Variants in RASEF observed in about 807,000 individuals in gnomAD.
RASEF encodes the protein ras and EF-hand domain-containing protein.
RASEF carries 68 observed loss-of-function variants against 90.1 expected under a neutral mutation model. That is an observed-to-expected ratio of 0.75 (90% CI 0.62 to 0.92). The LOEUF (loss-of-function observed/expected upper bound fraction) is 0.92. RASEF is among the 40% of genes least tolerant of loss of function. RASEF has a pLI of 0.00. For missense variants in RASEF, 949 were observed against 937.2 expected (o/e 1.01, Z -0.16); for synonymous variants, 331 against 345.2 (o/e 0.96, Z 0.46).
In RASEF at chr9:83,000,199, C is replaced by A; in HGVS notation, c.1693G>T (p.Glu565Ter). 2 of 1,613,942 alleles carry A rather than the reference C, an allele frequency of 1.2e-6. No individual in the cohort carries two copies. Among genetic ancestry groups the A allele is most frequent in the East Asian group, 2.2e-5 (1 of 44,866 alleles). The change falls in exon 12 of 17, where the codon GAA becomes TAA. Residue 565 changes from glutamate (E) to a stop codon, truncating the protein, a stop_gained. Transcript: ENST00000376447. LOFTEE classifies it high-confidence loss of function. ...GTGGCGCTTATATTTTCTCGAAATT[C>A]ATTCTTGCAAAGTCTCATGAGGAAA... ...SSFLMRLCKNEFRENISATLG... is the reference protein window; with the variant it reads ...SSFLMRLCKN
At chr9:83,069,300 A>G in the RASEF span, among the ~76,000 whole-genome samples, 1 of 152,182 alleles carries the variant, frequency 6.6e-6, no homozygotes, top group Non-Finnish European at 1.5e-5. Flanking sequence ...CACAATGCCA[A>G]AATTGCCATT....
At chr9:83,125,144 T>C in the RASEF span, among the ~76,000 whole-genome samples, 3 of 152,216 alleles carry the variant, frequency 2.0e-5, no homozygotes, top group African/African-American at 7.2e-5. Context: ...GGCAGGGCAG[T>C]GGTGGAGAGA....
the RASEF span, among the ~76,000 whole-genome samples, chr9:83,105,956 A>G: frequency 1.4e-4 from 21 of 152,294 alleles, no homozygotes; most frequent in Middle Eastern, 0.01. Flanking sequence ...GCCCAAAGTC[A>G]TCTAAACATG....
At chr9:83,216,918 C>T in the RASEF span, among the ~76,000 whole-genome samples, 1 of 152,162 alleles carries the variant, frequency 6.6e-6, no homozygotes, top group African/African-American at 2.4e-5. Context: ...TTACACCATG[C>T]ACCTGGAAAT....
At chr9:83,111,208 G>A in the RASEF span, among the ~76,000 whole-genome samples, 16 of 152,178 alleles carry the variant, frequency 1.1e-4, no homozygotes, top group African/African-American at 3.4e-4. Context: ...TAGATTAAAC[G>A]GCAAATTGCA....
At chr9:83,209,835 TG>T in the RASEF span, among the ~76,000 whole-genome samples, 1 of 152,212 alleles carries the variant, frequency 6.6e-6, no homozygotes, top group African/African-American at 2.4e-5. Flanking sequence ...AGACTTAGCC[TG>T]TGCCCTCCCG....
the RASEF span, among the ~76,000 whole-genome samples, chr9:83,217,459 T>A: frequency 6.6e-6 from 1 of 152,132 alleles, no homozygotes; most frequent in Non-Finnish European, 1.5e-5. Flanking sequence ...ATAGCTCCCA[T>A]AATCCCCACG....
the RASEF span, among the ~76,000 whole-genome samples, chr9:83,157,231 A>G: frequency 0.17 from 26,188 of 152,240 alleles, 2,426 homozygotes; most frequent in Non-Finnish European, 0.21. Flanking sequence ...TGCATAAAAT[A>G]GGGACTTAGC....
At chr9:83,129,806 G>C in the RASEF span, among the ~76,000 whole-genome samples, 1 of 152,126 alleles carries the variant, frequency 6.6e-6, no homozygotes, top group Non-Finnish European at 1.5e-5. Flanking sequence ...AGAGCCAAAG[G>C]CTACAGCACT....
intron 15 of RASEF, among the ~76,000 whole-genome samples, chr9:82,992,177 C>T (rs188248964): frequency 2.1e-4 from 30 of 140,128 alleles, no homozygotes; most frequent in African/African-American, 2.8e-4. Flanking sequence ...CTGGTGCTGA[C>T]GACAGACAAC....
Position 83,009,661 on chromosome 9 carries a change from A to T in RASEF, c.939T>A (p.Asp313Glu), listed in dbSNP as rs775015476. 6.2e-7 allele frequency: 1 copy of T among 1,606,770 alleles called. No individual in the cohort carries two copies. The highest frequency in any genetic ancestry group is 8.5e-7 in the Non-Finnish European group (1 of 1,173,674). The change falls in exon 6 of 17, where the codon GAT becomes GAA. Residue 313 changes from aspartate to glutamate, a missense_variant. By Grantham distance (45) the Asp-to-Glu change is conservative. Transcript: ENST00000376447. ...CATACCTTTCAGTATTCAGACTCTG[A>T]TCAGCATAATCACTTTTCAAAGCAT... ...ELDALKSDYADQSLNTERDLE... is the reference protein window; with the variant it reads ...ELDALKSDYAEQSLNTERDLE...
chr9:83,062,790 C>A lies in RASEF; in HGVS notation c.78G>T (p.Gly26=). The A allele has an allele frequency of 1.9e-6, 3 of 1,556,186 alleles. No individual in the cohort carries two copies. The highest frequency in any genetic ancestry group is 1.2e-5 in the South Asian group (1 of 85,142). The part of the protein sequence containing the change: ...VFAACDANRS[G]RLEREEFRAL... ...CCCGGAACTCCTCGCGCTCCAGGCG[C>A]CCCGAGCGGTTCGCGTCGCAGGCGG... The change falls in exon 1 of 17, where the codon GGG becomes GGT. Residue 26 remains glycine (G), a synonymous_variant. Coordinates refer to ENST00000376447, the MANE Select transcript of RASEF (RefSeq NM_152573.4).
At chr9:83,186,853 T>TA in the RASEF span, among the ~76,000 whole-genome samples, 17 of 151,712 alleles carry the variant, frequency 1.1e-4, no homozygotes, top group South Asian at 2.1e-3. Flanking sequence ...TTTGACATCT[T>TA]AAAAAAAAAT....
the RASEF span, among the ~76,000 whole-genome samples, chr9:83,164,037 C>T: frequency 6.8e-6 from 1 of 146,808 alleles, no homozygotes; most frequent in Non-Finnish European, 1.5e-5. Flanking sequence ...CTGTAACCTA[C>T]AAAACTATCC....
chr9:83,005,408 T>C lies in RASEF; in HGVS notation c.1113+8A>G, dbSNP rs763935447. The stretch of plus-strand genomic sequence containing the variant: ...GAATGAAATACATGGTAAAACTATG[T>C]GGCATACCAAAGATCTGTTGAACTT... On this transcript the variant is annotated splice_region_variant and intron_variant, in intron 8 of 16. Coordinates refer to ENST00000376447, the MANE Select transcript of RASEF (RefSeq NM_152573.4). The C allele has an allele frequency of 6.9e-6, 11 of 1,589,804 alleles. No homozygotes were observed. The highest frequency in any genetic ancestry group is 9.5e-6 in the Non-Finnish European group (11 of 1,157,932).
intron 1 of RASEF, among the ~76,000 whole-genome samples, chr9:83,043,879 C>T (rs1829883454): frequency 6.6e-6 from 1 of 152,138 alleles, no homozygotes; most frequent in Admixed American, 6.5e-5. Flanking sequence ...GCGGTGGGAC[C>T]TAAGAGTTTG....
Position 83,062,497 on chromosome 9 carries a change from G to A in RASEF, c.371C>T (p.Pro124Leu). The A allele has an allele frequency of 1.2e-6, 2 of 1,611,628 alleles. No individual in the cohort carries two copies. The highest frequency in any genetic ancestry group is 2.2e-5 in the East Asian group (1 of 44,784). Reference protein sequence around the residue: ...ALATSCGPASPGRAWQDFQAR... With the variant: ...ALATSCGPASLGRAWQDFQAR... ...CTGGAAATCCTGCCAAGCCCGGCCG[G>A]GACTCGCCGGGCCGCACGAGGTGGC... Residue 124 changes from proline to leucine, a missense_variant, in exon 1 of 17, where the codon CCC becomes CTC. This residue lies in a region of RASEF where 656 missense variants were observed against 592.2 expected (regional missense o/e 1.11). Coordinates refer to ENST00000376447, the MANE Select transcript of RASEF (RefSeq NM_152573.4).
rs142399603 is a variant in RASEF at position 82,996,979 on chromosome 9, G to C, written c.1920+33C>G. 25 of 1,272,694 alleles carry C rather than the reference G, an allele frequency of 2.0e-5. No homozygotes were observed. The Middle Eastern group carries it at 5.7e-4, about 29-fold the overall frequency. The allele number at this position is 1,272,694 out of a possible 1,614,324, so 78.8% of individuals were successfully genotyped here. On this transcript the variant is annotated intron_variant, in intron 14 of 16. Transcript: ENST00000376447. ...CCAAGATGGCCTAAAACTTCCTCGT[G>C]TAATTTTCTGTTTCTCCATTATGAT...
At chr9:83,175,667 A>G in the RASEF span, among the ~76,000 whole-genome samples, 4 of 151,252 alleles carry the variant, frequency 2.6e-5, no homozygotes, top group South Asian at 8.4e-4. Context: ...TGCAAGCTCC[A>G]CCTTCTGGGT....
Sources: allele counts gnomAD v4.1 joint callset (sites outside exome capture counted in the v4.1 genomes callset), GRCh38; gene constraint gnomAD v4.1.1; regional missense constraint gnomAD v4.1.1; transcripts MANE v1.5; gene names NCBI Gene and HGNC (gene_info 2026-07-23, HGNC 2026-07-21).